The following NKAIN2 variants were observed in gnomAD, a reference collection of about 807,000 sequenced individuals.
NKAIN2 encodes sodium/potassium transporting ATPase interacting 2.
NKAIN2 carries 14 observed loss-of-function variants against 32.6 expected under a neutral mutation model. The ratio of observed to expected loss-of-function variants is 0.43; its 90% CI spans 0.28 to 0.67. The LOEUF (loss-of-function observed/expected upper bound fraction) is 0.67. Among genes scored for constraint, NKAIN2 ranks in the 30% least tolerant of loss-of-function variants. NKAIN2 has a pLI of 0.17. For synonymous variants in NKAIN2, 80 were observed against 87.2 expected (o/e 0.92, Z 0.46); for missense variants, 198 against 258.3 (o/e 0.77, Z 1.60).
intron 3 of NKAIN2, among the ~76,000 whole-genome samples, chr6:124,492,528 A>G (rs1295297797): frequency 2.0e-5 from 3 of 151,886 alleles, no homozygotes; most frequent in African/African-American, 7.2e-5. Context: ...CTCTTAGATA[A>G]TGGTTTTATT....
chr6:124,806,275 A>G (rs543461939), intron 5 of NKAIN2, among the ~76,000 whole-genome samples: 1 of 152,364 alleles, frequency 6.6e-6, no homozygotes, highest in Non-Finnish European at 1.5e-5. Context: ...AGCCCATCAG[A>G]CTAACAGCGG....
At chr6:124,505,933 G>A (rs1220383152) in intron 3 of NKAIN2, among the ~76,000 whole-genome samples, 1 of 152,102 alleles carries the variant, frequency 6.6e-6, no homozygotes, top group Admixed American at 6.5e-5. Context: ...CAGCACTTTG[G>A]GAGGCCGAGG....
At chr6:124,489,741 C>A (rs1777788670) in intron 3 of NKAIN2, among the ~76,000 whole-genome samples, 6 of 151,746 alleles carry the variant, frequency 4.0e-5, no homozygotes, top group Admixed American at 3.9e-4. Flanking sequence ...ATAAATTGAA[C>A]CATAGTAAGT....
intron 1 of NKAIN2, among the ~76,000 whole-genome samples, chr6:124,012,450 C>T (rs1780381486): frequency 6.6e-6 from 1 of 151,850 alleles, no homozygotes; most frequent in Non-Finnish European, 1.5e-5. Flanking sequence ...ATTCTCCTGC[C>T]TCAGCCTCCT....
chr6:124,620,229 A>C (rs1049622004), intron 3 of NKAIN2, among the ~76,000 whole-genome samples: 1 of 151,988 alleles, frequency 6.6e-6, no homozygotes, highest in Admixed American at 6.6e-5. Flanking sequence ...CACCATCTTT[A>C]CTCTTCAAAT....
At position 124,823,273 on chromosome 6, in the gene NKAIN2, C is replaced by A; in HGVS notation, c.*44C>A. On this transcript the variant is annotated 3_prime_UTR_variant, in exon 7 of 7. Coordinates refer to ENST00000368417, the MANE Select transcript of NKAIN2 (RefSeq NM_001040214.3). The stretch of plus-strand genomic sequence containing the variant: ...GTCAGCCCATGGACCTTTCAAAGAA[C>A]TTTTTTCGCAGTGGCCTCCTGCATT... 6.8e-7 allele frequency: 1 copy of A among 1,473,598 alleles called. No individual in the cohort carries two copies. 91.3% of individuals were successfully genotyped at this position (1,473,598 alleles called of 1,614,324 possible).
At chr6:124,774,898 C>A (rs1000311436) in intron 4 of NKAIN2, among the ~76,000 whole-genome samples, 1 of 148,550 alleles carries the variant, frequency 6.7e-6, no homozygotes, top group African/African-American at 2.5e-5. Context: ...CATCTTGTAT[C>A]TTTGACAGTA....
rs1395453756 is a variant in NKAIN2 at position 124,727,173 on chromosome 6, CA to C, written c.475-64165del. 9.9e-5 allele frequency among the ~76,000 whole-genome samples: 15 copies of C among 151,078 alleles called. No individual in the cohort carries two copies. The East Asian group carries it at 2.5e-3, about 26-fold the overall frequency. ...GGAGAACTTCCCCAATCTAGCAAGG[CA>C]GGCCAACGTTCAGATTCAGGAAATA... On this transcript the variant is annotated intron_variant, in intron 4 of 6. Transcript: ENST00000368417.
At chr6:124,132,092 T>C (rs996263616) in intron 1 of NKAIN2, among the ~76,000 whole-genome samples, 3 of 152,180 alleles carry the variant, frequency 2.0e-5, no homozygotes, top group African/African-American at 4.8e-5. Context: ...AGGAGCAAGA[T>C]TGACCTTGCC....
intron 3 of NKAIN2, among the ~76,000 whole-genome samples, chr6:124,577,945 A>G (rs1213384029): frequency 6.6e-5 from 10 of 152,170 alleles, no homozygotes; most frequent in African/African-American, 2.2e-4. Flanking sequence ...CAACATTTCT[A>G]GACATGTACT....
intron 1 of NKAIN2, among the ~76,000 whole-genome samples, chr6:124,077,189 A>T (rs1783733938): frequency 6.6e-6 from 1 of 152,182 alleles, no homozygotes; most frequent in Non-Finnish European, 1.5e-5. Context: ...AGCCTCCTGT[A>T]TTGCTGGAAT....
At position 124,234,963 on chromosome 6, in the gene NKAIN2, G is replaced by T. The variant is rs138719567; in HGVS notation, c.55-48042G>T. On this transcript the variant is annotated intron_variant, in intron 1 of 6. Transcript: ENST00000368417. ...ATTTTTCCATCAAGCAACTTAATAA[G>T]GTATAGTTGTAATGCTGGCTACCAT... Among the ~76,000 whole-genome samples the T allele has an allele frequency of 1.0e-3, 152 of 152,214 alleles. 1 individual carries two copies. The highest frequency in any genetic ancestry group is 3.5e-3 in the African/African-American group (147 of 41,538).
At chr6:124,646,688 C>T (rs1157695042) in intron 3 of NKAIN2, among the ~76,000 whole-genome samples, 1 of 152,118 alleles carries the variant, frequency 6.6e-6, no homozygotes, top group Non-Finnish European at 1.5e-5. Context: ...CAGTGGCTCA[C>T]ACCTGTAATC....
intron 1 of NKAIN2, among the ~76,000 whole-genome samples, chr6:124,167,826 G>A (rs1185623298): frequency 1.3e-5 from 2 of 152,136 alleles, no homozygotes; most frequent in Admixed American, 1.3e-4. Context: ...TACATTTATT[G>A]ATTTGTGTAT....
chr6:123,853,968 T>C (rs1775457996), intron 1 of NKAIN2, among the ~76,000 whole-genome samples: 1 of 152,046 alleles, frequency 6.6e-6, no homozygotes, highest in Non-Finnish European at 1.5e-5. Flanking sequence ...AGACGGGGTT[T>C]CACCATGTTG....
chr6:124,211,697 A>C (rs189157093), intron 1 of NKAIN2, among the ~76,000 whole-genome samples: 66 of 152,156 alleles, frequency 4.3e-4, no homozygotes, highest in African/African-American at 1.5e-3. Context: ...TTGAATGTAG[A>C]TATATAATCT....
chr6:124,533,331 G>T (rs1388715002), intron 3 of NKAIN2, among the ~76,000 whole-genome samples: 1 of 151,828 alleles, frequency 6.6e-6, no homozygotes, highest in African/African-American at 2.4e-5. Flanking sequence ...AATTAGCCGG[G>T]CATGGTGGTG....
At chr6:124,002,247 C>T (rs1248172032) in intron 1 of NKAIN2, among the ~76,000 whole-genome samples, 1 of 152,000 alleles carries the variant, frequency 6.6e-6, no homozygotes, top group Non-Finnish European at 1.5e-5. Context: ...TATTATCAGA[C>T]ATTCTCAGAT....
chr6:123,858,120 A>ATT (rs772284498), intron 1 of NKAIN2, among the ~76,000 whole-genome samples: 1 of 148,070 alleles, frequency 6.8e-6, no homozygotes, highest in Non-Finnish European at 1.5e-5. Flanking sequence ...TATTATTATT[A>ATT]TTTTTTTTTT....
Sources: allele counts gnomAD v4.1 joint callset (sites outside exome capture counted in the v4.1 genomes callset), GRCh38; gene constraint gnomAD v4.1.1; transcripts MANE v1.5; gene names NCBI Gene and HGNC (gene_info 2026-07-23, HGNC 2026-07-21).